Variants in STK4 observed in about 807,000 individuals in gnomAD.
STK4 encodes serine/threonine-protein kinase 4.
In STK4, 30 loss-of-function variants were observed where a neutral mutation model predicts 64.9. The ratio of observed to expected loss-of-function variants is 0.46; its 90% CI spans 0.35 to 0.63. STK4 has a LOEUF of 0.63. STK4 is among the 20% of genes least tolerant of loss of function. The pLI, the probability that STK4 is intolerant of heterozygous loss-of-function variation, is 0.01. For synonymous variants in STK4, 177 were observed against 199.0 expected, an observed-to-expected ratio of 0.89 and a Z score of 0.93; for missense variants, 466 against 598.5, an observed-to-expected ratio of 0.78 and a Z score of 2.31.
chr20:45,054,069 A>G (rs1408010124), intron 10 of STK4, among the ~76,000 whole-genome samples: 7 of 152,168 alleles, frequency 4.6e-5, no homozygotes, highest in East Asian at 1.9e-4. Flanking sequence ...ACTTAGTACT[A>G]TGGTAACTTG....
chr20:45,007,664 A>G (rs2067972738), intron 9 of STK4: 1 of 279,470 alleles, frequency 3.6e-6, no homozygotes, highest in East Asian at 9.2e-5. Context: ...TCCATAATAG[A>G]AAACTCATCA....
intron 2 of STK4, chr20:44,974,148 T>G (rs2067298990): frequency 6.6e-6 from 1 of 152,258 alleles, no homozygotes; most frequent in Non-Finnish European, 1.5e-5. Flanking sequence ...CTCTTGGCCT[T>G]AAGTGATCCT....
chr20:45,018,773 C>T (rs1172189366), intron 9 of STK4, among the ~76,000 whole-genome samples: 2 of 149,882 alleles, frequency 1.3e-5, no homozygotes, highest in African/African-American at 2.5e-5. Context: ...GTCTGTTGCC[C>T]AGGCTGAAGT....
chr20:45,002,021 A>G (rs2067850567), intron 9 of STK4, among the ~76,000 whole-genome samples: 2 of 152,218 alleles, frequency 1.3e-5, no homozygotes, highest in Non-Finnish European at 2.9e-5. Context: ...TTGATGATGT[A>G]CAAATTATCA....
intron 5 of STK4, among the ~76,000 whole-genome samples, chr20:44,990,707 G>A (rs1442571796): frequency 1.3e-5 from 2 of 152,088 alleles, no homozygotes; most frequent in African/African-American, 2.4e-5. Context: ...AGAGATCCTC[G>A]GTTTCACTCC....
At chr20:45,064,882 T>G (rs1282345571) in intron 10 of STK4, among the ~76,000 whole-genome samples, 1 of 152,194 alleles carries the variant, frequency 6.6e-6, no homozygotes, top group Non-Finnish European at 1.5e-5. Flanking sequence ...ATGTATAGAA[T>G]TATATTGTCT....
intron 10 of STK4, among the ~76,000 whole-genome samples, chr20:45,058,286 C>G (rs549609994): frequency 6.6e-6 from 1 of 151,990 alleles, no homozygotes; most frequent in East Asian, 1.9e-4. Flanking sequence ...TGAATCTCAC[C>G]CTTCATTACA....
rs2068421838 is a variant in STK4, at chr20:45,030,318, C to A, written c.1305+5188C>A. On this transcript the variant is annotated intron_variant, in intron 10 of 10. Transcript: ENST00000372806. Reference sequence around the variant, plus strand: ...ACAGGGTTTCACCATCTTGGCCAGGCTGATCTTGAACACCTGACCTTGTGA... The same window carrying A: ...ACAGGGTTTCACCATCTTGGCCAGGATGATCTTGAACACCTGACCTTGTGA... Among the ~76,000 whole-genome samples the A allele has an allele frequency of 2.6e-5, 4 of 152,208 alleles. No individual in the cohort carries two copies. In the South Asian group the frequency reaches 8.3e-4, roughly 32 times the overall value.
At chr20:45,044,080 ACTT>A (rs1367916624) in intron 10 of STK4, among the ~76,000 whole-genome samples, 1 of 152,232 alleles carries the variant, frequency 6.6e-6, no homozygotes, top group African/African-American at 2.4e-5. Flanking sequence ...CAATTTTAGA[ACTT>A]CCTAATGCTT....
chr20:45,056,276 TC>T (rs1978475911), intron 10 of STK4, among the ~76,000 whole-genome samples: 1 of 152,190 alleles, frequency 6.6e-6, no homozygotes, highest in South Asian at 2.1e-4. Flanking sequence ...CCCATCAAGT[TC>T]CCTTATGCCC....
intron 9 of STK4, among the ~76,000 whole-genome samples, chr20:45,021,344 CAGACTT>C (rs2068244110): frequency 6.6e-6 from 1 of 152,186 alleles, no homozygotes; most frequent in Non-Finnish European, 1.5e-5. Context: ...TCTATAAAAT[CAGACTT>C]AGTACAGGTG....
At chr20:45,074,075 G>T (rs775933290) in intron 10 of STK4, among the ~76,000 whole-genome samples, 13 of 152,140 alleles carry the variant, frequency 8.5e-5, no homozygotes, top group Admixed American at 7.9e-4. Context: ...TGCAACACTG[G>T]TTAAGAGCAT....
chr20:45,064,956 C>T (rs1477387378), intron 10 of STK4, among the ~76,000 whole-genome samples: 1 of 152,144 alleles, frequency 6.6e-6, no homozygotes, highest in Non-Finnish European at 1.5e-5. Context: ...TCTCTTGTCT[C>T]ATTGCTCTGG....
chr20:44,996,701 C>T (rs763212614), intron 6 of STK4, among the ~76,000 whole-genome samples: 5 of 152,024 alleles, frequency 3.3e-5, no homozygotes, highest in Non-Finnish European at 5.9e-5. Flanking sequence ...ATTTAGCTTA[C>T]TTTGGAAGTT....
intron 9 of STK4, among the ~76,000 whole-genome samples, chr20:45,018,732 T>A (rs1165683277): frequency 2.0e-5 from 3 of 151,760 alleles, no homozygotes; most frequent in Admixed American, 6.6e-5. Context: ...CTACTTTTTT[T>A]TTTTTTTTTT....
intron 9 of STK4, among the ~76,000 whole-genome samples, chr20:45,018,725 CTTTTTTTTT>C (rs11481831): frequency 7.1e-6 from 1 of 140,354 alleles, no homozygotes; most frequent in Non-Finnish European, 1.5e-5. Flanking sequence ...TAAAGTTCTA[CTTTTTTTTT>C]TTTTTTTTAA....
intron 10 of STK4, chr20:45,053,217 G>T (rs774135234): frequency 8.0e-6 from 12 of 1,504,880 alleles, no homozygotes; most frequent in Admixed American, 6.9e-5. Context: ...AACCACAGTA[G>T]CCTGGTTCTG....
intron 10 of STK4, among the ~76,000 whole-genome samples, chr20:45,034,406 GATT>G (rs2068494087): frequency 6.6e-6 from 1 of 151,970 alleles, no homozygotes; most frequent in South Asian, 2.1e-4. Context: ...TGTGATTAGA[GATT>G]ATTATTTATA....
chr20:45,004,514 T>G (rs1338429256), intron 9 of STK4: 2 of 142,870 alleles, frequency 1.4e-5, no homozygotes, highest in Non-Finnish European at 3.2e-5. Flanking sequence ...CTTTGCCTAA[T>G]TTTTCATGGT....
Sources: gnomAD v4.1 joint callset for allele counts (sites outside exome capture counted in the v4.1 genomes callset) on GRCh38, gnomAD v4.1.1 for gene constraint, MANE v1.5 for transcripts, NCBI Gene and HGNC (gene_info 2026-07-23, HGNC 2026-07-21) for gene names.